Variants in GAB2 observed in about 807,000 individuals in gnomAD.
The protein encoded by GAB2 is GRB2 associated binding protein 2, also known as GRB2-associated-binding protein 2.
In GAB2, 26 loss-of-function variants were observed where a neutral mutation model predicts 65.5. That is an observed-to-expected ratio of 0.40 (90% confidence interval 0.29 to 0.55). The LOEUF (loss-of-function observed/expected upper bound fraction) is 0.55, where lower values mean the gene tolerates loss of function less well. Ranked by LOEUF, GAB2 falls within the 20% of genes least tolerant of loss-of-function variation. The pLI is 0.53. For missense variants in GAB2, 884 were observed against 875.8 expected, an observed-to-expected ratio of 1.01 and a Z score of -0.12; for synonymous variants, 321 against 329.6, an observed-to-expected ratio of 0.97 and a Z score of 0.28.
At chr11:78,225,287 G>T in intron 4 of GAB2, 85 bp from the exon 5 acceptor site, 1 of 848,262 alleles carries the variant, frequency 1.2e-6, no homozygotes, top group Middle Eastern at 2.2e-4. Context: ...GTGGTTCAAG[G>T]TCTTACTGAT....
chr11:78,384,392 A>C (rs1469537267), intron 1 of GAB2, among the ~76,000 whole-genome samples: 4 of 152,220 alleles, frequency 2.6e-5, no homozygotes, highest in Non-Finnish European at 5.9e-5. Flanking sequence ...GAAGCAACTG[A>C]ACCGCTTGAG....
chr11:78,389,317 T>C (rs1341147966), intron 1 of GAB2, among the ~76,000 whole-genome samples: 3 of 151,970 alleles, frequency 2.0e-5, no homozygotes, highest in Admixed American at 1.3e-4. Context: ...TTTCCTTTTT[T>C]TTTTTTTTGA....
intron 1 of GAB2, among the ~76,000 whole-genome samples, chr11:78,285,722 C>CTCCCAATCCCAA (rs1298814104): frequency 6.6e-6 from 1 of 152,216 alleles, no homozygotes; most frequent in Admixed American, 6.5e-5. Context: ...CCACCTCAGC[C>CTCCCAATCCCAA]TCCCAAAGTG....
chr11:78,341,308 T>C (rs1405111818), intron 1 of GAB2, among the ~76,000 whole-genome samples: 1 of 152,236 alleles, frequency 6.6e-6, no homozygotes, highest in African/African-American at 2.4e-5. Context: ...ATATTGGTAA[T>C]ATTGGTAAAT....
Position 78,249,479 on chromosome 11 carries a change from TAATA to T in GAB2, c.620+674_620+677del, listed in dbSNP as rs567937763. Among the ~76,000 whole-genome samples, 25 of 152,306 alleles carry T rather than the reference TAATA, an allele frequency of 1.6e-4. No homozygotes were observed. The East Asian group carries it at 4.4e-3, about 27-fold the overall frequency. On this transcript the variant is annotated intron_variant, in intron 3 of 9. Coordinates refer to ENST00000361507, the MANE Select transcript of GAB2 (RefSeq NM_080491.3). ...TTAGCCTAACAATGGGAATAAAACA[TAATA>T]AATACATTTACAGGTTCTGCACCTG...
chr11:78,357,950 T>C (rs896556186), intron 1 of GAB2, among the ~76,000 whole-genome samples: 3 of 152,212 alleles, frequency 2.0e-5, no homozygotes, highest in Non-Finnish European at 4.4e-5. Context: ...ACTGGGTATA[T>C]ACCCAAAGGA....
At chr11:78,352,919 T>C (rs1048621039) in intron 1 of GAB2, among the ~76,000 whole-genome samples, 1 of 152,246 alleles carries the variant, frequency 6.6e-6, no homozygotes, top group Non-Finnish European at 1.5e-5. Context: ...ACCCACTTGA[T>C]AATCAGATTA....
chr11:78,273,809 G>T (rs942691063), intron 2 of GAB2, among the ~76,000 whole-genome samples: 1 of 152,160 alleles, frequency 6.6e-6, no homozygotes, highest in Non-Finnish European at 1.5e-5. Flanking sequence ...CTGCTGGGAG[G>T]TAAGTGAATC....
chr11:78,359,076 A>G (rs756263308), intron 1 of GAB2, among the ~76,000 whole-genome samples: 1 of 152,216 alleles, frequency 6.6e-6, no homozygotes, highest in Non-Finnish European at 1.5e-5. Flanking sequence ...AAGATATGAA[A>G]AAATCAGAGT....
intron 1 of GAB2, among the ~76,000 whole-genome samples, chr11:78,330,317 C>T (rs1320074836): frequency 6.6e-6 from 1 of 152,132 alleles, no homozygotes; most frequent in Non-Finnish European, 1.5e-5. Flanking sequence ...TCACAGTGAT[C>T]CCTGGGTATA....
intron 3 of GAB2, among the ~76,000 whole-genome samples, chr11:78,235,392 TC>T (rs1864956071): frequency 6.6e-6 from 1 of 152,080 alleles, no homozygotes. Context: ...GACCTTGAGA[TC>T]CGCCCACCTC....
chr11:78,316,734 C>CA (rs1474287102), intron 1 of GAB2, among the ~76,000 whole-genome samples: 3 of 152,092 alleles, frequency 2.0e-5, no homozygotes, highest in Non-Finnish European at 2.9e-5. Context: ...GGCAATTCCT[C>CA]AAAAAATTGA....
chr11:78,385,875 C>T (rs573726593), intron 1 of GAB2, among the ~76,000 whole-genome samples: 1 of 152,330 alleles, frequency 6.6e-6, no homozygotes, highest in African/African-American at 2.4e-5. Flanking sequence ...GTTATCTAAC[C>T]TGTCTTATTC....
chr11:78,405,331 C>G (rs1344798465), intron 1 of GAB2, among the ~76,000 whole-genome samples: 1 of 152,064 alleles, frequency 6.6e-6, no homozygotes, highest in Non-Finnish European at 1.5e-5. Flanking sequence ...ATCTCCTGAC[C>G]TCTGTGATCT....
intron 1 of GAB2, among the ~76,000 whole-genome samples, chr11:78,415,434 TACAACAGGATGCA>T (rs1193811090): frequency 6.6e-6 from 1 of 152,174 alleles, no homozygotes; most frequent in Non-Finnish European, 1.5e-5. Context: ...AGTTTTAACT[TACAACAGGATGCA>T]AAAATTCTGA....
intron 1 of GAB2, among the ~76,000 whole-genome samples, chr11:78,306,773 A>G (rs529743820): frequency 5.6e-4 from 85 of 152,334 alleles, no homozygotes; most frequent in African/African-American, 1.9e-3. Context: ...ATACAGGTTA[A>G]AATTCCAGCC....
chr11:78,370,009 GCA>G (rs1375282861), intron 1 of GAB2, among the ~76,000 whole-genome samples: 1 of 152,070 alleles, frequency 6.6e-6, no homozygotes, highest in Non-Finnish European at 1.5e-5. Flanking sequence ...TGTAATCCCA[GCA>G]CTTTGGGAGG....
chr11:78,349,957 A>C (rs962196597), intron 1 of GAB2, among the ~76,000 whole-genome samples: 2 of 152,146 alleles, frequency 1.3e-5, no homozygotes, highest in South Asian at 4.1e-4. Context: ...AAAGAAAGAC[A>C]ATCAAGAGGT....
chr11:78,377,239 G>C (rs942095742), intron 1 of GAB2, among the ~76,000 whole-genome samples: 1 of 152,240 alleles, frequency 6.6e-6, no homozygotes, highest in South Asian at 2.1e-4. Flanking sequence ...CAGTTCTGGA[G>C]GCTGGGAAGT....
Sources: gnomAD v4.1 joint callset for allele counts (sites outside exome capture counted in the v4.1 genomes callset) on GRCh38, gnomAD v4.1.1 for gene constraint, MANE v1.5 for transcripts, NCBI Gene and HGNC (gene_info 2026-07-23, HGNC 2026-07-21) for gene names.